VPS26A: variants seen among roughly 807,000 people sequenced by gnomAD.
The protein encoded by VPS26A is vacuolar protein sorting-associated protein 26A.
A neutral mutation model predicts 42.4 loss-of-function variants in VPS26A; 22 were observed. That is an observed-to-expected ratio of 0.52 (90% CI 0.37 to 0.74). The LOEUF is 0.74. Among genes scored for constraint, VPS26A ranks in the 30% least tolerant of loss-of-function variants. VPS26A has a pLI of 0.00. For synonymous variants in VPS26A, 110 were observed against 123.5 expected, an observed-to-expected ratio of 0.89 and a Z score of 0.73; for missense variants, 276 against 379.2, an observed-to-expected ratio of 0.73 and a Z score of 2.26.
chr10:69,132,321 C>G (rs1272745932), intron 1 of VPS26A, among the ~76,000 whole-genome samples: 1 of 145,726 alleles, frequency 6.9e-6, no homozygotes, highest in African/African-American at 2.5e-5. Context: ...GAAATTATAG[C>G]ATGCTGAAAT....
chr10:69,132,390 A>C (rs1451043114), intron 1 of VPS26A, among the ~76,000 whole-genome samples: 1 of 147,508 alleles, frequency 6.8e-6, no homozygotes, highest in Non-Finnish European at 1.5e-5. Context: ...CATGAAATCT[A>C]CCCTCTTAAC....
chr10:69,157,084 C>G lies in VPS26A; in HGVS notation c.307C>G (p.Gln103Glu). The change falls in exon 4 of 9, where the codon CAG becomes GAG. Residue 103 changes from glutamine (Q) to glutamate (E), a missense_variant. Gln to Glu is a conservative substitution (Grantham distance 29, BLOSUM62 2). Coordinates refer to ENST00000263559, the MANE Select transcript of VPS26A (RefSeq NM_004896.5). ...ACTAGCCTTACCTGGAGAACTGACT[C>G]AGAGCAGAAGTTATGATTTTGAATT... Reference protein sequence around the residue: ...KELALPGELTQSRSYDFEFMQ... With the variant: ...KELALPGELTESRSYDFEFMQ... 1 of 1,613,650 alleles carries G rather than the reference C, an allele frequency of 6.2e-7. No individual in the cohort carries two copies. Among genetic ancestry groups the G allele is most frequent in the African/African-American group, 1.3e-5 (1 of 75,030 alleles).
intron 8 of VPS26A, chr10:69,170,138 A>G (rs766201041): frequency 2.0e-5 from 3 of 152,214 alleles, no homozygotes; most frequent in African/African-American, 4.8e-5. Context: ...CCTTTTATAA[A>G]CATGATCTGT....
intron 2 of VPS26A, among the ~76,000 whole-genome samples, chr10:69,152,146 C>T (rs114062201): frequency 0.013 from 1,951 of 152,068 alleles, 44 homozygotes; most frequent in African/African-American, 0.044. Context: ...CAGATTGAGG[C>T]TGCAGTGAGT....
At chr10:69,159,380 C>CAA (rs1344299906) in intron 5 of VPS26A, among the ~76,000 whole-genome samples, 1 of 90,224 alleles carries the variant, frequency 1.1e-5, no homozygotes, top group African/African-American at 4.3e-5. Flanking sequence ...GACTCCATCT[C>CAA]AAAAAAAAAA....
rs1841882818 is a variant in VPS26A at position 69,174,215 on chromosome 10, C to CAGTT, written c.*2946_*2947insAGTT. Among the ~76,000 whole-genome samples the CAGTT allele has an allele frequency of 1.8e-5, 1 of 55,120 alleles. No individual in the cohort carries two copies. The highest frequency in any genetic ancestry group is 7.6e-5 in the Non-Finnish European group (1 of 13,162). The allele number at this position is 55,120 out of a possible 152,430, so 36.2% of individuals were successfully genotyped here. Reference sequence around the variant, plus strand: ...ACACTCAAGGCGAAGGTCCACGGCTCCGTTAAGTCAGCGAGACCGCAAACC... The same window carrying CAGTT: ...ACACTCAAGGCGAAGGTCCACGGCTCAGTTCGTTAAGTCAGCGAGACCGCAAACC... On this transcript the variant is annotated 3_prime_UTR_variant, in exon 9 of 9. Coordinates refer to ENST00000263559, the MANE Select transcript of VPS26A (RefSeq NM_004896.5).
At chr10:69,152,741 G>A (rs1161603382) in intron 2 of VPS26A, among the ~76,000 whole-genome samples, 9 of 152,148 alleles carry the variant, frequency 5.9e-5, no homozygotes, top group South Asian at 2.1e-4. Context: ...AGGCCGAGGC[G>A]GGTGGATCAC....
intron 2 of VPS26A, among the ~76,000 whole-genome samples, chr10:69,142,994 A>G (rs1841077419): frequency 6.6e-6 from 1 of 152,240 alleles, no homozygotes; most frequent in African/African-American, 2.4e-5. Flanking sequence ...CCTTATTTAT[A>G]AAATGGGGTA....
chr10:69,154,897 G>A (rs1243131406), intron 2 of VPS26A, among the ~76,000 whole-genome samples: 2 of 152,148 alleles, frequency 1.3e-5, no homozygotes, highest in Admixed American at 6.5e-5. Flanking sequence ...GCACGCGCAC[G>A]TGCGTGCACA....
intron 6 of VPS26A, among the ~76,000 whole-genome samples, chr10:69,164,999 C>T (rs1261458763): frequency 6.6e-6 from 1 of 151,134 alleles, no homozygotes; most frequent in Admixed American, 6.6e-5. Context: ...GTGATCTCGG[C>T]TCACTGCAAC....
chr10:69,137,759 G>A (rs1185061401), intron 2 of VPS26A, among the ~76,000 whole-genome samples: 1 of 151,946 alleles, frequency 6.6e-6, no homozygotes, highest in African/African-American at 2.4e-5. Flanking sequence ...CCATGGGATA[G>A]TAATATTGAG....
At position 69,136,644 on chromosome 10, in the gene VPS26A, CT is replaced by C. The variant is rs1840918898; in HGVS notation, c.153+3600del. Among the ~76,000 whole-genome samples, 3 of 152,088 alleles carry C rather than the reference CT, an allele frequency of 2.0e-5. No homozygotes were observed. The South Asian group carries it at 6.2e-4, about 32-fold the overall frequency. On this transcript the variant is annotated intron_variant, in intron 2 of 8. Coordinates refer to ENST00000263559, the MANE Select transcript of VPS26A (RefSeq NM_004896.5). Reference sequence around the variant, plus strand: ...CATTGGGAGTTGCAGAATGGTGATACTTTAAATTCTGTCATTTTGTTTTTAC... The same window carrying C: ...CATTGGGAGTTGCAGAATGGTGATACTTAAATTCTGTCATTTTGTTTTTAC...
chr10:69,128,332 A>G (rs1281551235), intron 1 of VPS26A, among the ~76,000 whole-genome samples: 1 of 151,058 alleles, frequency 6.6e-6, no homozygotes, highest in East Asian at 2.0e-4. Context: ...CCTGGGTTCA[A>G]GCGATTCTGC....
chr10:69,167,615 T>C (rs956139590), intron 7 of VPS26A, among the ~76,000 whole-genome samples: 4 of 151,162 alleles, frequency 2.6e-5, no homozygotes, highest in Admixed American at 2.6e-4. Context: ...TGGTGGCAGG[T>C]GCCTGTAATC....
intron 2 of VPS26A, among the ~76,000 whole-genome samples, chr10:69,148,472 A>G (rs1426775647): frequency 6.6e-6 from 1 of 152,214 alleles, no homozygotes; most frequent in African/African-American, 2.4e-5. Flanking sequence ...ATGGACTATG[A>G]CAGCAGTTGC....
At chr10:69,132,789 C>G in intron 1 of VPS26A, 109 bp from the exon 2 acceptor site, 1 of 1,114,132 alleles carries the variant, frequency 9.0e-7, no homozygotes, top group South Asian at 1.7e-5. Context: ...CTTATGAACT[C>G]ACAGATTTGC....
Position 69,157,127 on chromosome 10 carries a change from C to T in VPS26A, c.350C>T (p.Pro117Leu), listed in dbSNP as rs775250912. The change falls in exon 4 of 9, where the codon CCA (proline) becomes CTA (leucine). Residue 117 changes from proline to leucine, a missense_variant. Pro to Leu is a moderately conservative substitution (Grantham distance 98). Transcript: ENST00000263559. ...YDFEFMQVEK[P>L]YESYIGANVR... ...TTTGAATTTATGCAAGTTGAAAAGC[C>T]ATATGAATCTTACATCGGTGCCAAT... is the stretch of plus-strand genomic sequence containing the variant. The T allele has an allele frequency of 1.2e-6, 2 of 1,613,352 alleles. No homozygotes were observed. Among genetic ancestry groups the T allele is most frequent in the East Asian group, 4.5e-5 (2 of 44,790 alleles).
intron 1 of VPS26A, among the ~76,000 whole-genome samples, chr10:69,130,409 G>C (rs955119972): frequency 6.6e-6 from 1 of 152,212 alleles, no homozygotes; most frequent in African/African-American, 2.4e-5. Flanking sequence ...TTGGCTCTAA[G>C]ACAAGAAGGA....
At chr10:69,165,673 G>A (rs923715171) in intron 6 of VPS26A, among the ~76,000 whole-genome samples, 5 of 152,040 alleles carry the variant, frequency 3.3e-5, no homozygotes, top group African/African-American at 1.2e-4. Context: ...AGCCAGGCAT[G>A]ATAGTGCACG....
Sources: gnomAD v4.1 joint callset for allele counts (sites outside exome capture counted in the v4.1 genomes callset) on GRCh38, gnomAD v4.1.1 for gene constraint, MANE v1.5 for transcripts, NCBI Gene and HGNC (gene_info 2026-07-23, HGNC 2026-07-21) for gene names.